CACNA1S: variants seen among roughly 807,000 people sequenced by gnomAD.
The protein encoded by CACNA1S is voltage-dependent L-type calcium channel subunit alpha-1S.
CACNA1S carries 126 observed loss-of-function variants against 207.4 expected under a neutral mutation model. The observed-to-expected ratio is 0.61, with a 90% CI of 0.53 to 0.70. The LOEUF (loss-of-function observed/expected upper bound fraction) is 0.70, where lower values mean the gene tolerates loss of function less well. Ranked by LOEUF, CACNA1S falls within the 30% of genes least tolerant of loss-of-function variation. CACNA1S has a pLI of 0.00. For synonymous variants in CACNA1S, 960 were observed against 932.7 expected (o/e 1.03, Z -0.53); for missense variants, 2,349 against 2,422.8 (o/e 0.97, Z 0.64).
chr1:201,058,608 G>A (rs948952968), intron 27 of CACNA1S, 117 bp from the exon 28 acceptor site: 3 of 795,056 alleles, frequency 3.8e-6, no homozygotes, highest in South Asian at 2.8e-5. Flanking sequence ...TTAGGCCAAG[G>A]TGGGGTGCCC....
In CACNA1S at chr1:201,074,501, C is replaced by G. The variant is rs1453981757; in HGVS notation, c.2063+5G>C. On this transcript the variant is annotated splice_donor_5th_base_variant and intron_variant, in intron 14 of 43. Transcript: ENST00000362061. ...CAGGTCCCTTCCTGCTAAGGAAGCA[C>G]TCACTTGGACATCTTCCTGCGTTTT... 1.3e-6 allele frequency: 2 copies of G among 1,588,468 alleles called. No homozygotes were observed. Among genetic ancestry groups the G allele is most frequent in the South Asian group, 2.2e-5 (2 of 90,288 alleles).
At chr1:201,052,529 A>C in intron 32 of CACNA1S, 28 bp downstream of exon 32, 1 of 1,282,112 alleles carries the variant, frequency 7.8e-7, no homozygotes, top group Non-Finnish European at 1.1e-6. Context: ...TCAGCGGGGT[A>C]GGGGTGGGGG....
At chr1:201,105,138 CAG>C (rs1662829825) in intron 2 of CACNA1S, among the ~76,000 whole-genome samples, 1 of 152,168 alleles carries the variant, frequency 6.6e-6, no homozygotes, top group African/African-American at 2.4e-5. Flanking sequence ...AGAGAAGACA[CAG>C]AGTTAAAGAG....
intron 2 of CACNA1S, among the ~76,000 whole-genome samples, chr1:201,095,543 C>T (rs1436700836): frequency 6.6e-6 from 1 of 152,174 alleles, no homozygotes; most frequent in African/African-American, 2.4e-5. Flanking sequence ...ACTTGTCATT[C>T]AGAGAATTTT....
intron 7 of CACNA1S, among the ~76,000 whole-genome samples, chr1:201,086,187 A>T (rs1034619749): frequency 1.9e-4 from 29 of 152,146 alleles, no homozygotes; most frequent in Non-Finnish European, 3.8e-4. Flanking sequence ...GGCAGCCAGG[A>T]GGGGTTGGCC....
chr1:201,098,902 G>A (rs1209030501), intron 2 of CACNA1S, among the ~76,000 whole-genome samples: 1 of 152,208 alleles, frequency 6.6e-6, no homozygotes, highest in Non-Finnish European at 1.5e-5. Flanking sequence ...TCTAACTGGT[G>A]CTCCCTGGGG....
Position 201,039,973 on chromosome 1 carries a change from A to T in CACNA1S, c.5480T>A (p.Ile1827Asn), listed in dbSNP as rs373693197. ...TCCTTTCAGTAGCTCTGTTGCCATG[A>T]TCTCCACTTCCTCTGGTTCCATTTG... ...ACQMEPEEVE[I>N]MATELLKGRE... The change falls in exon 44 of 44, where the codon ATC becomes AAC. Residue 1827 changes from isoleucine to asparagine, a missense_variant. Transcript: ENST00000362061. 8 of 1,614,166 alleles carry T rather than the reference A, an allele frequency of 5.0e-6. No homozygotes were observed. Among genetic ancestry groups the T allele is most frequent in the East Asian group, 4.5e-5 (2 of 44,878 alleles).
intron 6 of CACNA1S, among the ~76,000 whole-genome samples, chr1:201,088,795 T>C (rs1662122046): frequency 1.3e-5 from 2 of 152,192 alleles, no homozygotes; most frequent in Admixed American, 1.3e-4. Flanking sequence ...CCGGGCACTG[T>C]TGTAATTCTC....
intron 7 of CACNA1S, among the ~76,000 whole-genome samples, chr1:201,086,978 G>T (rs1342639818): frequency 6.6e-6 from 1 of 152,148 alleles, no homozygotes; most frequent in Non-Finnish European, 1.5e-5. Context: ...TCCTATGCAA[G>T]TTTACAGACT....
chr1:201,081,539 C>T (rs1661840741), intron 10 of CACNA1S, among the ~76,000 whole-genome samples: 2 of 152,210 alleles, frequency 1.3e-5, no homozygotes, highest in Admixed American at 1.3e-4. Flanking sequence ...TTCCAAGACT[C>T]AAGTCTGATC....
intron 16 of CACNA1S, 89 bp downstream of exon 16, chr1:201,072,666 C>T: frequency 1.1e-6 from 1 of 944,634 alleles, no homozygotes; most frequent in Non-Finnish European, 1.7e-6. Context: ...TAGGGACACA[C>T]AAGAGACTGC....
At position 201,054,573 on chromosome 1, in the gene CACNA1S, A is replaced by G. The variant is rs754526467; in HGVS notation, c.3610-12T>C. On this transcript the variant is annotated splice_polypyrimidine_tract_variant and intron_variant, in intron 28 of 43. Transcript: ENST00000362061. ...GAGGCCAGGAAAGTCTGTGGAGAAAAGAGACGAAGGGAGGGGAAGGAGAGG... is the reference window on the plus strand; with the variant it reads ...GAGGCCAGGAAAGTCTGTGGAGAAAGGAGACGAAGGGAGGGGAAGGAGAGG... 1.9e-6 allele frequency: 3 copies of G among 1,611,082 alleles called. No individual in the cohort carries two copies. The South Asian group carries it at 3.3e-5, about 18-fold the overall frequency.
chr1:201,053,125 C>A lies in CACNA1S; in HGVS notation c.3861+84G>T. The stretch of plus-strand genomic sequence containing the variant: ...GAGGGCGGAGGGTCCAGCCCGTGTG[C>A]TGCTCAGGCTCCTCAGGGTCCACTG... On this transcript the variant is annotated intron_variant, in intron 31 of 43. Transcript: ENST00000362061. The surrounding 1 kb of genome is among the most constrained non-coding windows in gnomAD (Gnocchi z 5.1). The A allele has an allele frequency of 6.8e-7, 1 of 1,468,872 alleles. No homozygotes were observed. Among genetic ancestry groups the A allele is most frequent in the Non-Finnish European group, 9.5e-7 (1 of 1,047,600 alleles). The allele number at this position is 1,468,872 out of a possible 1,614,324, so 91.0% of individuals were successfully genotyped here.
At chr1:201,050,548 A>C (rs771521207) in intron 33 of CACNA1S, 32 bp from the exon 34 acceptor site, 3 of 1,613,518 alleles carry the variant, frequency 1.9e-6, no homozygotes, top group Non-Finnish European at 2.5e-6. Flanking sequence ...GTCCCAACAC[A>C]GAAAGGCAGG....
chr1:201,111,286 G>A (rs1663093274), intron 1 of CACNA1S, among the ~76,000 whole-genome samples: 1 of 151,988 alleles, frequency 6.6e-6, no homozygotes, highest in Non-Finnish European at 1.5e-5. Flanking sequence ...TTCCTTCTAG[G>A]GAACAGCTGG....
At chr1:201,048,327 G>A (rs947018619) in intron 36 of CACNA1S, among the ~76,000 whole-genome samples, 1 of 152,172 alleles carries the variant, frequency 6.6e-6, no homozygotes, top group African/African-American at 2.4e-5. Flanking sequence ...TGCCAGCACT[G>A]GCCCTTCTCT....
Position 201,112,273 on chromosome 1 carries a change from T to G in CACNA1S, c.67A>C (p.Ile23Leu), listed in dbSNP as rs1202505813. Residue 23 changes from isoleucine (I) to leucine (L), a missense_variant, in exon 1 of 44, where the codon ATT (isoleucine) becomes CTT (leucine). Coordinates refer to ENST00000362061, the MANE Select transcript of CACNA1S (RefSeq NM_000069.3). ...KKQPKKPVPE[I>L]LPRPPRALFC... is the part of the protein sequence containing the mutation. ...AAGGCCCGGGGTGGCCTTGGCAGAA[T>G]CTCAGGAACTGGCTTCTTGGGCTGT... 6.2e-7 allele frequency: 1 copy of G among 1,613,856 alleles called. No individual in the cohort carries two copies. The highest frequency in any genetic ancestry group is 8.5e-7 in the Non-Finnish European group (1 of 1,179,942).
intron 28 of CACNA1S, among the ~76,000 whole-genome samples, chr1:201,057,035 C>T (rs1660871791): frequency 6.6e-6 from 1 of 152,254 alleles, no homozygotes; most frequent in Non-Finnish European, 1.5e-5. Context: ...TTGTCCCCTA[C>T]AGTTTAGTTT....
Position 201,047,210 on chromosome 1 carries a change from C to G in CACNA1S, c.4573G>C (p.Ala1525Pro). 1 of 1,614,132 alleles carries G rather than the reference C, an allele frequency of 6.2e-7. No homozygotes were observed. Among genetic ancestry groups the G allele is most frequent in the East Asian group, 2.2e-5 (1 of 44,878 alleles). ...AAGTGCTCCTGGATGAGGAATGTGG[C>G]GTAGAACTTCCCCACTGTCACCTCA... ...DDEVTVGKFYATFLIQEHFRK... is the reference protein window; with the variant it reads ...DDEVTVGKFYPTFLIQEHFRK... The change falls in exon 38 of 44, where the codon GCC becomes CCC. Residue 1525 changes from alanine (A) to proline (P), a missense_variant. By Grantham distance (27) the Ala-to-Pro change is conservative. Coordinates refer to ENST00000362061, the MANE Select transcript of CACNA1S (RefSeq NM_000069.3).
Sources: gnomAD v4.1 joint callset for allele counts (sites outside exome capture counted in the v4.1 genomes callset) on GRCh38, gnomAD v4.1.1 for gene constraint, Gnocchi (gnomAD v3.1) non-coding constraint, MANE v1.5 for transcripts, NCBI Gene and HGNC (gene_info 2026-07-23, HGNC 2026-07-21) for gene names.